Variants in TMEM184A observed in about 807,000 individuals in gnomAD.
TMEM184A encodes the protein transmembrane protein 184A.
Under a neutral mutation model 39.5 loss-of-function variants are expected in TMEM184A, and 40 were observed. The ratio of observed to expected loss-of-function variants is 1.01; its 90% CI spans 0.79 to 1.32. TMEM184A has a LOEUF of 1.32. Ranked by LOEUF, TMEM184A falls within the 40% of genes most tolerant of loss-of-function variation. TMEM184A has a pLI of 0.00. For synonymous variants in TMEM184A, 280 were observed against 252.3 expected, an observed-to-expected ratio of 1.11 and a Z score of -1.04; for missense variants, 603 against 568.8, an observed-to-expected ratio of 1.06 and a Z score of -0.61.
intron 3 of TMEM184A, among the ~76,000 whole-genome samples, chr7:1,550,615 C>T (rs1052360629): frequency 4.6e-5 from 7 of 152,174 alleles, no homozygotes; most frequent in Admixed American, 1.3e-4. Context: ...GCAGGTCCAC[C>T]GAGCCCCTCT....
At position 1,555,522 on chromosome 7, in the gene TMEM184A, G is replaced by A. The variant is rs756443196; in HGVS notation, c.1-38C>T. ...GGAGGACACACACCGGGAGGAGTGA[G>A]GGCAAAGGTACTGGCTCCCGGCAGC... On this transcript the variant is annotated intron_variant, in intron 1 of 8. Coordinates refer to ENST00000297477, the MANE Select transcript of TMEM184A (RefSeq NM_001097620.2). This position sits in a 1 kb window ranked among gnomAD's most constrained non-coding sequence, Gnocchi z 5.2. The A allele has an allele frequency of 3.9e-6, 6 of 1,537,252 alleles. No individual in the cohort carries two copies. The highest frequency in any genetic ancestry group is 4.4e-6 in the Non-Finnish European group (5 of 1,124,390).
In TMEM184A at chr7:1,542,842, A is replaced by T. The variant is rs1784230614; in HGVS notation, c.*4110T>A. 6.6e-6 allele frequency: 1 copy of T among 152,554 alleles called. No individual in the cohort carries two copies. Among genetic ancestry groups the T allele is most frequent in the African/African-American group, 2.4e-5 (1 of 41,414 alleles). 9.5% of individuals were successfully genotyped at this position (152,554 alleles called of 1,614,324 possible). On this transcript the variant is annotated 3_prime_UTR_variant, in exon 9 of 9. Transcript: ENST00000297477. ...ACCGCCTCACCCTGGCTTCTGTGCT[A>T]CTTGGCAGTTCCATTTCATTATTTA...
At chr7:1,552,774 G>T (rs1164367746) in intron 2 of TMEM184A, among the ~76,000 whole-genome samples, 3 of 152,148 alleles carry the variant, frequency 2.0e-5, no homozygotes, top group African/African-American at 7.2e-5. Context: ...CTCCCTAGGG[G>T]CCAGGCACGG....
intron 8 of TMEM184A, among the ~76,000 whole-genome samples, 175 bp from the exon 9 acceptor site, chr7:1,547,356 G>A (rs1219294228): frequency 2.0e-5 from 3 of 152,028 alleles, no homozygotes; most frequent in Non-Finnish European, 4.4e-5. Context: ...CCCAGCACCG[G>A]GCCCGTCCCT....
At position 1,543,605 on chromosome 7, in the gene TMEM184A, A is replaced by G. The variant is rs1784256125; in HGVS notation, c.*3347T>C. The G allele has an allele frequency of 6.6e-6, 1 of 152,214 alleles. No individual in the cohort carries two copies. Among genetic ancestry groups the G allele is most frequent in the African/African-American group, 2.4e-5 (1 of 41,426 alleles). 9.4% of individuals were successfully genotyped at this position (152,214 alleles called of 1,614,324 possible). On this transcript the variant is annotated 3_prime_UTR_variant, in exon 9 of 9. Coordinates refer to ENST00000297477, the MANE Select transcript of TMEM184A (RefSeq NM_001097620.2). ...GCTGACCGAGGTGTGAACGCTGTTC[A>G]GTGCTGGACCACGCAGGGTGAAATC...
chr7:1,548,197 G>T (rs889085065), intron 7 of TMEM184A, among the ~76,000 whole-genome samples: 5 of 152,326 alleles, frequency 3.3e-5, no homozygotes, highest in Admixed American at 2.0e-4. Flanking sequence ...CTGTCTGGTG[G>T]CCATCCTCCT....
Position 1,546,906 on chromosome 7 carries a change from G to T in TMEM184A, c.*46C>A, listed in dbSNP as rs573626553. On this transcript the variant is annotated 3_prime_UTR_variant, in exon 9 of 9. Coordinates refer to ENST00000297477, the MANE Select transcript of TMEM184A (RefSeq NM_001097620.2). ...TGGGGGGACCCTGTTCTTCCCCAGA[G>T]GCCTGGGCAGCCTGGGTCCCTACAG... is the stretch of plus-strand genomic sequence containing the variant. 2.8e-5 allele frequency: 37 copies of T among 1,341,866 alleles called. No homozygotes were observed. The highest frequency in any genetic ancestry group is 3.3e-5 in the Non-Finnish European group (33 of 1,004,416). The allele number at this position is 1,341,866 out of a possible 1,614,324, so 83.1% of individuals were successfully genotyped here.
At chr7:1,552,077 C>T (rs927486731) in intron 2 of TMEM184A, among the ~76,000 whole-genome samples, 3 of 152,018 alleles carry the variant, frequency 2.0e-5, no homozygotes, top group African/African-American at 4.8e-5. Context: ...CTCCCGGGCT[C>T]GAGTGATCTG....
In TMEM184A at chr7:1,555,258, G is replaced by A. The variant is rs1327326841; in HGVS notation, c.219+8C>T. 28 of 1,597,312 alleles carry A rather than the reference G, an allele frequency of 1.8e-5. No individual in the cohort carries two copies. The highest frequency in any genetic ancestry group is 2.4e-5 in the Non-Finnish European group (28 of 1,172,198). ...TCCTGAAGGAGGCTCGGGGGCGGAA[G>A]GGCTTACCTGGTGGCAGGTGAGCAC... On this transcript the variant is annotated splice_region_variant and intron_variant, in intron 2 of 8. Transcript: ENST00000297477. This position sits in a 1 kb window ranked among gnomAD's most constrained non-coding sequence, Gnocchi z 5.2.
chr7:1,545,933 G>C lies in TMEM184A; in HGVS notation c.*1019C>G, dbSNP rs1334184433. 6.6e-6 allele frequency: 1 copy of C among 152,398 alleles called. No individual in the cohort carries two copies. Among genetic ancestry groups the C allele is most frequent in the African/African-American group, 2.4e-5 (1 of 41,456 alleles). The allele number at this position is 152,398 out of a possible 1,614,324, so 9.4% of individuals were successfully genotyped here. On this transcript the variant is annotated 3_prime_UTR_variant, in exon 9 of 9. Coordinates refer to ENST00000297477, the MANE Select transcript of TMEM184A (RefSeq NM_001097620.2). Reference sequence around the variant, plus strand: ...GGAGCCCCCTCTGTGCCCCCTGGGAGTGTCCCCCCCGCCCAGGTACTCAGG... The same window carrying C: ...GGAGCCCCCTCTGTGCCCCCTGGGACTGTCCCCCCCGCCCAGGTACTCAGG...
chr7:1,545,082 G>A lies in TMEM184A; in HGVS notation c.*1870C>T, dbSNP rs1006045789. The stretch of plus-strand genomic sequence containing the variant: ...TGAGCAACTTGACCCCTATCGGGGT[G>A]GCCTTCCCCACGGCAAGGGCAGAGC... On this transcript the variant is annotated 3_prime_UTR_variant, in exon 9 of 9. Transcript: ENST00000297477. The A allele has an allele frequency of 1.3e-5, 2 of 152,170 alleles. No homozygotes were observed. Among genetic ancestry groups the A allele is most frequent in the African/African-American group, 4.8e-5 (2 of 41,426 alleles). The allele number at this position is 152,170 out of a possible 1,614,324, so 9.4% of individuals were successfully genotyped here.
rs751314909 is a variant in TMEM184A at position 1,547,754 on chromosome 7, C to T, written c.1000G>A (p.Glu334Lys). Residue 334 changes from glutamate to lysine, a missense_variant, in exon 8 of 9, where the codon GAG (glutamate) becomes AAG (lysine). Physicochemically the swap from Glu to Lys is moderately conservative, Grantham distance 56. Coordinates refer to ENST00000297477, the MANE Select transcript of TMEM184A (RefSeq NM_001097620.2). ...AGGCAGGGTGTACCTGGTGAATTCT[C>T]CTTCTTCTCTGCGTACACCTGGCAG... ...FPCQVYAEKKENSPAPPAPMQ... is the reference protein window; with the variant it reads ...FPCQVYAEKKKNSPAPPAPMQ... 10 of 1,612,282 alleles carry T rather than the reference C, an allele frequency of 6.2e-6. No individual in the cohort carries two copies. The South Asian group carries it at 9.9e-5, about 16-fold the overall frequency.
chr7:1,549,153 C>T (rs576991396), intron 6 of TMEM184A: 17 of 460,748 alleles, frequency 3.7e-5, no homozygotes, highest in East Asian at 2.1e-4. Context: ...GCACATATTG[C>T]GTGCATGTGA....
chr7:1,550,342 C>G lies in TMEM184A; in HGVS notation c.439G>C (p.Gly147Arg), dbSNP rs777318315. The G allele has an allele frequency of 3.1e-6, 5 of 1,612,922 alleles. No individual in the cohort carries two copies. Among genetic ancestry groups the G allele is most frequent in the Admixed American group, 3.3e-5 (2 of 59,924 alleles). Residue 147 changes from glycine (G) to arginine (R), a missense_variant, in exon 4 of 9, where the codon GGC (glycine) becomes CGC (arginine). Physicochemically the swap from Gly to Arg is moderately radical, Grantham distance 125. Transcript: ENST00000297477. ...SLCFQYLGGEGAIMAEIRGKP... is the reference protein window; with the variant it reads ...SLCFQYLGGERAIMAEIRGKP... ...CCACGAATCTCAGCCATGATGGCGC[C>G]CTCGCCTCCCAGGTACTGGAAACAC... is the stretch of plus-strand genomic sequence containing the variant.
At position 1,555,372 on chromosome 7, in the gene TMEM184A, A is replaced by G. The variant is rs551747267; in HGVS notation, c.113T>C (p.Met38Thr). 1.1e-5 allele frequency: 18 copies of G among 1,611,478 alleles called. 1 individual carries two copies. Among genetic ancestry groups the G allele is most frequent in the African/African-American group, 5.3e-5 (4 of 74,804 alleles). ...GGGGGCCCCCTGGGAGCTGTTCCCC[A>G]TGTGGTCCATCTGCGGCCCAGCTGG... ...AVPAGPQMDHMGNSSQGAPWL... is the reference protein window; with the variant it reads ...AVPAGPQMDHTGNSSQGAPWL... The change falls in exon 2 of 9, where the codon ATG becomes ACG. Residue 38 changes from methionine to threonine, a missense_variant. Transcript: ENST00000297477. The surrounding 1 kb of genome is among the most constrained non-coding windows in gnomAD (Gnocchi z 5.2).
At chr7:1,549,450 A>G (rs1200497264) in intron 6 of TMEM184A, 1 of 423,622 alleles carries the variant, frequency 2.4e-6, no homozygotes, top group Non-Finnish European at 4.8e-6. Context: ...CCTTAATGCC[A>G]AGAGTGCTCA....
chr7:1,543,311 C>T lies in TMEM184A; in HGVS notation c.*3641G>A, dbSNP rs549858681. On this transcript the variant is annotated 3_prime_UTR_variant, in exon 9 of 9. Transcript: ENST00000297477. ...GTCCCCATCTGCCCCACCCGGAGCC[C>T]CCTGTCCATGCAGCCTCTCCCTTCC... is the stretch of plus-strand genomic sequence containing the variant. The T allele has an allele frequency of 3.9e-5, 6 of 152,412 alleles. No individual in the cohort carries two copies. The highest frequency in any genetic ancestry group is 1.4e-4 in the African/African-American group (6 of 41,584). 9.4% of individuals were successfully genotyped at this position (152,412 alleles called of 1,614,324 possible).
In TMEM184A at chr7:1,555,047, G is replaced by A. The variant is rs1778499527; in HGVS notation, c.219+219C>T. ...GCCTGTGAAATAGCCAGGGGTGCCC[G>A]GTGGGCGCTCTGCCCTCAGCCTGGC... is the stretch of plus-strand genomic sequence containing the variant. On this transcript the variant is annotated intron_variant, in intron 2 of 8. Coordinates refer to ENST00000297477, the MANE Select transcript of TMEM184A (RefSeq NM_001097620.2). This position sits in a 1 kb window ranked among gnomAD's most constrained non-coding sequence, Gnocchi z 5.2. 6.6e-6 allele frequency among the ~76,000 whole-genome samples: 1 copy of A among 152,108 alleles called. No individual in the cohort carries two copies.
intron 3 of TMEM184A, 100 bp downstream of exon 3, chr7:1,550,715 AGT>A: frequency 1.4e-6 from 2 of 1,431,942 alleles, no homozygotes; most frequent in Non-Finnish European, 1.9e-6. Flanking sequence ...GGGCCGGGAG[AGT>A]GGGGTGCCCT....
Sources: gnomAD v4.1 joint callset for allele counts (sites outside exome capture counted in the v4.1 genomes callset) on GRCh38, gnomAD v4.1.1 for gene constraint, Gnocchi (gnomAD v3.1) non-coding constraint, MANE v1.5 for transcripts, NCBI Gene and HGNC (gene_info 2026-07-23, HGNC 2026-07-21) for gene names.